The following ENTREP3 variants were observed in gnomAD, a reference collection of about 807,000 sequenced individuals.
ENTREP3 encodes the protein protein ENTREP3.
the ENTREP3 span, chr1:155,248,133 C>T: frequency 6.2e-7 from 1 of 1,614,124 alleles, no homozygotes; most frequent in South Asian, 1.1e-5. Context: ...AGGCCCCGAC[C>T]TGGCCAGCTG....
the ENTREP3 span, chr1:155,252,171 G>A: frequency 2.4e-6 from 1 of 411,176 alleles, no homozygotes; most frequent in Non-Finnish European, 4.2e-6. Flanking sequence ...GTCTTCACAG[G>A]AATGTCCACC....
the ENTREP3 span, chr1:155,253,912 C>A: frequency 6.2e-7 from 1 of 1,612,464 alleles, no homozygotes; most frequent in Non-Finnish European, 8.5e-7. Flanking sequence ...ACTTTCAGTT[C>A]CTGCCCCGAC....
the ENTREP3 span, chr1:155,254,603 G>A: frequency 2.5e-5 from 39 of 1,582,596 alleles, no homozygotes; most frequent in Admixed American, 6.7e-5. The surrounding 1 kb of genome is among the most constrained non-coding windows in gnomAD (Gnocchi z 4.4). Flanking sequence ...TGGTGTGGAG[G>A]GTGGGGCCCG....
the ENTREP3 span, chr1:155,251,977 T>C: frequency 2.8e-6 from 3 of 1,070,222 alleles, no homozygotes; most frequent in Non-Finnish European, 3.9e-6. Context: ...CCCAAACTCC[T>C]CTCTCATCTA....
the ENTREP3 span, chr1:155,247,741 T>A: frequency 6.9e-7 from 1 of 1,455,846 alleles, no homozygotes; most frequent in Non-Finnish European, 9.1e-7. Flanking sequence ...AACCAGCTGG[T>A]GCCTGTGGCT....
chr1:155,253,915 G>A, the ENTREP3 span: 1 of 1,612,668 alleles, frequency 6.2e-7, no homozygotes, highest in Non-Finnish European at 8.5e-7. Context: ...TTCAGTTCCT[G>A]CCCCGACTCT....
At chr1:155,250,765 A>T in the ENTREP3 span, 1 of 1,612,134 alleles carries the variant, frequency 6.2e-7, no homozygotes, top group Non-Finnish European at 8.5e-7. The surrounding 1 kb of genome is among the most constrained non-coding windows in gnomAD (Gnocchi z 5.4). Context: ...GACGGGCTAG[A>T]GCCCCCAGGG....
At chr1:155,249,901 A>AG in the ENTREP3 span, among the ~76,000 whole-genome samples, 1 of 150,816 alleles carries the variant, frequency 6.6e-6, no homozygotes, top group East Asian at 2.0e-4. Context: ...AAAAAAAAAA[A>AG]AAAAATATTA....
chr1:155,248,276 C>CG, the ENTREP3 span: 8 of 1,599,902 alleles, frequency 5.0e-6, no homozygotes, highest in Non-Finnish European at 5.1e-6. Context: ...GCGGGCTAGG[C>CG]GGAAGAGGCA....
At chr1:155,248,266 G>A in the ENTREP3 span, 1 of 1,600,304 alleles carries the variant, frequency 6.2e-7, no homozygotes, top group Admixed American at 1.7e-5. Flanking sequence ...GGGAAGGGCA[G>A]CGGGCTAGGC....
At chr1:155,247,386 C>T in the ENTREP3 span, 34 of 496,134 alleles carry the variant, frequency 6.9e-5, no homozygotes, top group East Asian at 4.6e-4. Context: ...TTGGACTCTT[C>T]GTGCCTGCCT....
the ENTREP3 span, chr1:155,254,244 C>A: frequency 6.6e-7 from 1 of 1,521,398 alleles, no homozygotes; most frequent in Non-Finnish European, 9.1e-7. The surrounding 1 kb of genome is among the most constrained non-coding windows in gnomAD (Gnocchi z 4.4). Flanking sequence ...ATGAGTACTC[C>A]TCTGCCACGG....
the ENTREP3 span, chr1:155,254,646 A>C: frequency 6.2e-7 from 1 of 1,605,408 alleles, no homozygotes; most frequent in South Asian, 1.1e-5. This position sits in a 1 kb window ranked among gnomAD's most constrained non-coding sequence, Gnocchi z 4.4. Flanking sequence ...CTGTGCACCC[A>C]ACTCACCGAG....
At chr1:155,253,448 C>T in the ENTREP3 span, 1 of 594,668 alleles carries the variant, frequency 1.7e-6, no homozygotes, top group Non-Finnish European at 3.0e-6. Context: ...CTGCCATCTC[C>T]CCTTCTCATC....
chr1:155,251,152 CAA>C, the ENTREP3 span: 16 of 1,609,390 alleles, frequency 9.9e-6, no homozygotes, highest in Non-Finnish European at 1.4e-5. Flanking sequence ...AGCTGAGGGT[CAA>C]AGAGAGTGGC....
the ENTREP3 span, chr1:155,253,969 C>A: frequency 6.2e-7 from 1 of 1,612,930 alleles, no homozygotes; most frequent in Non-Finnish European, 8.5e-7. Flanking sequence ...CACACACAGA[C>A]CTTTCCTTCC....
At chr1:155,250,361 G>T in the ENTREP3 span, 2 of 1,546,472 alleles carry the variant, frequency 1.3e-6, no homozygotes, top group South Asian at 2.4e-5. This position sits in a 1 kb window ranked among gnomAD's most constrained non-coding sequence, Gnocchi z 5.4. Context: ...GAGGAGGCCG[G>T]TGCCCCGGTG....
At chr1:155,252,044 A>G in the ENTREP3 span, 1 of 597,914 alleles carries the variant, frequency 1.7e-6, no homozygotes, top group Non-Finnish European at 2.8e-6. Flanking sequence ...CCCCTCCCTC[A>G]CCCAAAATCA....
At chr1:155,251,952 A>G in the ENTREP3 span, 2 of 1,343,312 alleles carry the variant, frequency 1.5e-6, no homozygotes, top group Non-Finnish European at 2.0e-6. Context: ...CTGGGAATAC[A>G]GCTCCTCCTG....
Sources: allele counts gnomAD v4.1 joint callset (sites outside exome capture counted in the v4.1 genomes callset), GRCh38; gene constraint gnomAD v4.1.1; non-coding constraint Gnocchi (gnomAD v3.1); transcripts MANE v1.5; gene names NCBI Gene and HGNC (gene_info 2026-07-23, HGNC 2026-07-21).